The following PCCA variants were observed in gnomAD, a reference collection of about 807,000 sequenced individuals.
PCCA encodes propionyl-CoA carboxylase alpha chain, mitochondrial.
PCCA carries 74 observed loss-of-function variants against 101.3 expected under a neutral mutation model. That is an observed-to-expected ratio of 0.73 (90% CI 0.61 to 0.89). The LOEUF (loss-of-function observed/expected upper bound fraction) is 0.89. PCCA is among the 40% of genes least tolerant of loss of function. The pLI, the probability that PCCA is intolerant of heterozygous loss-of-function variation, is 0.00. For synonymous variants in PCCA, 294 were observed against 313.6 expected (o/e 0.94, Z 0.66); for missense variants, 891 against 907.0 (o/e 0.98, Z 0.23).
intron 21 of PCCA, among the ~76,000 whole-genome samples, chr13:100,500,183 C>G (rs1169350271): frequency 6.6e-6 from 1 of 152,088 alleles, no homozygotes; most frequent in East Asian, 1.9e-4. Context: ...ATGGAATCAC[C>G]AGGCTCTCCA....
intron 4 of PCCA, among the ~76,000 whole-genome samples, chr13:100,134,174 C>A (rs752068006): frequency 6.6e-6 from 1 of 152,120 alleles, no homozygotes; most frequent in Non-Finnish European, 1.5e-5. Context: ...CTTTAGAGAA[C>A]CCTGACTAAT....
chr13:100,097,626 G>A (rs1264052693), intron 1 of PCCA, among the ~76,000 whole-genome samples: 2 of 152,150 alleles, frequency 1.3e-5, no homozygotes, highest in East Asian at 3.9e-4. Context: ...GGCTGAGACG[G>A]GAGAATTGCT....
At chr13:100,418,990 C>G (rs572499412) in intron 19 of PCCA, among the ~76,000 whole-genome samples, 11 of 151,846 alleles carry the variant, frequency 7.2e-5, no homozygotes, top group Admixed American at 7.2e-4. Flanking sequence ...AAGCTTAGCT[C>G]TTTCTCACCC....
chr13:100,192,606 C>G (rs1244444982), intron 6 of PCCA, among the ~76,000 whole-genome samples: 1 of 152,152 alleles, frequency 6.6e-6, no homozygotes, highest in African/African-American at 2.4e-5. Flanking sequence ...ACTCAGGAGG[C>G]TGAGGCGGGA....
chr13:100,209,067 T>C (rs753503634), intron 6 of PCCA, among the ~76,000 whole-genome samples: 2 of 152,146 alleles, frequency 1.3e-5, no homozygotes, highest in African/African-American at 4.8e-5. Flanking sequence ...TACAGTGTCA[T>C]AGAGTGACTT....
chr13:100,100,366 C>T (rs2047164594), intron 1 of PCCA, among the ~76,000 whole-genome samples: 1 of 151,922 alleles, frequency 6.6e-6, no homozygotes, highest in African/African-American at 2.4e-5. Flanking sequence ...ACACGCTGAC[C>T]TCTCTCATTT....
chr13:100,502,776 C>T (rs1023674132), intron 21 of PCCA, among the ~76,000 whole-genome samples: 1 of 152,150 alleles, frequency 6.6e-6, no homozygotes, highest in Non-Finnish European at 1.5e-5. Flanking sequence ...AGGGAAAATC[C>T]TAGTGGAGTC....
At chr13:100,335,755 C>T (rs760136446) in intron 17 of PCCA, among the ~76,000 whole-genome samples, 2 of 152,124 alleles carry the variant, frequency 1.3e-5, no homozygotes, top group African/African-American at 4.8e-5. Context: ...TCAGTTGGTT[C>T]CCAGGGGACT....
intron 20 of PCCA, among the ~76,000 whole-genome samples, chr13:100,443,774 C>A (rs1046530878): frequency 2.6e-5 from 4 of 151,918 alleles, no homozygotes; most frequent in South Asian, 2.1e-4. Flanking sequence ...AAATTGAGAT[C>A]GTCTTTCAGG....
intron 18 of PCCA, among the ~76,000 whole-genome samples, chr13:100,360,771 A>G (rs2074487252): frequency 6.6e-6 from 1 of 152,148 alleles, no homozygotes; most frequent in Admixed American, 6.5e-5. Flanking sequence ...TACACAGCAT[A>G]ACCTTACCAT....
At chr13:100,227,622 G>A (rs989363947) in intron 7 of PCCA, among the ~76,000 whole-genome samples, 4 of 152,056 alleles carry the variant, frequency 2.6e-5, no homozygotes, top group African/African-American at 9.7e-5. Flanking sequence ...TACTCTTTTG[G>A]CATTGTATTC....
In PCCA at chr13:100,257,313, TG is replaced by T. The variant is rs1255865515; in HGVS notation, c.638-281del. ...CTGTACTTCTGTTTTTGGAATCCACTGTTAATTTATGTGTGTTTTCTTAGCT... is the reference window on the plus strand; with the variant it reads ...CTGTACTTCTGTTTTTGGAATCCACTTTAATTTATGTGTGTTTTCTTAGCT... On this transcript the variant is annotated intron_variant, in intron 8 of 23. Transcript: ENST00000376285. 3.3e-5 allele frequency among the ~76,000 whole-genome samples: 5 copies of T among 152,358 alleles called. No homozygotes were observed. In the South Asian group the frequency reaches 1.0e-3, roughly 32 times the overall value.
intron 12 of PCCA, among the ~76,000 whole-genome samples, chr13:100,281,688 CTT>C (rs1307271712): frequency 6.6e-6 from 1 of 152,070 alleles, no homozygotes; most frequent in African/African-American, 2.4e-5. Context: ...TTGAAGCAAC[CTT>C]TGTTTTTTTT....
At chr13:100,105,839 T>C in intron 2 of PCCA, among the ~76,000 whole-genome samples, 1 of 62,434 alleles carries the variant, frequency 1.6e-5, no homozygotes, top group Non-Finnish European at 2.7e-5. Flanking sequence ...GGCAAGATCC[T>C]GTCTCAAAAA....
chr13:100,457,557 C>T (rs2081837558), intron 21 of PCCA, among the ~76,000 whole-genome samples: 1 of 152,126 alleles, frequency 6.6e-6, no homozygotes, highest in South Asian at 2.1e-4. Flanking sequence ...AGACATGATA[C>T]CTGCACACAT....
At chr13:100,091,983 C>T (rs1299678383) in intron 1 of PCCA, among the ~76,000 whole-genome samples, 5 of 150,102 alleles carry the variant, frequency 3.3e-5, no homozygotes, top group East Asian at 4.1e-4. Flanking sequence ...TGCAGTGGCG[C>T]GATCTCAGCT....
chr13:100,301,080 A>G (rs959066559), intron 12 of PCCA, among the ~76,000 whole-genome samples: 11 of 152,262 alleles, frequency 7.2e-5, no homozygotes, highest in Admixed American at 7.2e-4. Context: ...GCCCCTGTAG[A>G]TGCCACGTTA....
chr13:100,268,879 A>G, intron 11 of PCCA, 96 bp downstream of exon 11: 1 of 887,308 alleles, frequency 1.1e-6, no homozygotes, highest in South Asian at 1.4e-5. Flanking sequence ...GCATTCAGAG[A>G]CAGGGTCTCA....
At chr13:100,125,133 A>G (rs967308935) in intron 4 of PCCA, among the ~76,000 whole-genome samples, 2 of 54,618 alleles carry the variant, frequency 3.7e-5, no homozygotes, top group African/African-American at 1.0e-4. Context: ...GTGACCTTTT[A>G]TTTGTGTGTG....
Sources: gnomAD v4.1 joint callset for allele counts (sites outside exome capture counted in the v4.1 genomes callset) on GRCh38, gnomAD v4.1.1 for gene constraint, MANE v1.5 for transcripts, NCBI Gene and HGNC (gene_info 2026-07-23, HGNC 2026-07-21) for gene names.